The following GXYLT1 variants were observed in gnomAD, a reference collection of about 807,000 sequenced individuals.
The protein encoded by GXYLT1 is glucoside xylosyltransferase 1, also known as glycosyltransferase 8 domain containing 3.
Under a neutral mutation model 54.0 loss-of-function variants are expected in GXYLT1, and 29 were observed. The observed-to-expected ratio is 0.54, with a 90% CI of 0.40 to 0.73. The LOEUF is 0.73. Among genes scored for constraint, GXYLT1 ranks in the 30% least tolerant of loss-of-function variants. The pLI is 0.00. For missense variants in GXYLT1, 490 were observed against 553.4 expected, an observed-to-expected ratio of 0.89 and a Z score of 1.15; for synonymous variants, 176 against 204.1, an observed-to-expected ratio of 0.86 and a Z score of 1.17.
chr12:42,132,379 T>C (rs538640007), intron 1 of GXYLT1, among the ~76,000 whole-genome samples: 2 of 152,350 alleles, frequency 1.3e-5, no homozygotes, highest in East Asian at 3.9e-4. Context: ...ATTTCTCTTA[T>C]GATAATCCTG....
chr12:42,111,619 G>C (rs889364561), intron 3 of GXYLT1, among the ~76,000 whole-genome samples: 1 of 152,236 alleles, frequency 6.6e-6, no homozygotes, highest in South Asian at 2.1e-4. Flanking sequence ...TGTTTGATTA[G>C]GTAAACAAAG....
At chr12:42,109,762 T>TTA in intron 3 of GXYLT1, 71 bp from the exon 4 acceptor site, 1 of 1,023,514 alleles carries the variant, frequency 9.8e-7, no homozygotes, top group Non-Finnish European at 1.4e-6. Flanking sequence ...AAACAACAGA[T>TTA]TATAAAACAA....
At chr12:42,111,206 C>T (rs970148407) in intron 3 of GXYLT1, among the ~76,000 whole-genome samples, 13 of 152,206 alleles carry the variant, frequency 8.5e-5, no homozygotes, top group African/African-American at 1.4e-4. Context: ...GCGTCAGCAA[C>T]GCAGAAGACA....
chr12:42,123,228 GAATA>G (rs1402244502), intron 2 of GXYLT1, among the ~76,000 whole-genome samples: 1 of 151,992 alleles, frequency 6.6e-6, no homozygotes, highest in African/African-American at 2.4e-5. Flanking sequence ...ATAGGAATAG[GAATA>G]TATATTCTAT....
chr12:42,101,555 C>G (rs1473421425), intron 5 of GXYLT1, among the ~76,000 whole-genome samples: 1 of 151,630 alleles, frequency 6.6e-6, no homozygotes, highest in Admixed American at 6.6e-5. Context: ...CTAATGCACA[C>G]CTATGCTTGT....
At chr12:42,127,916 A>G (rs1401447204) in intron 2 of GXYLT1, among the ~76,000 whole-genome samples, 1 of 152,226 alleles carries the variant, frequency 6.6e-6, no homozygotes, top group Non-Finnish European at 1.5e-5. Context: ...CAATCACCCA[A>G]TCTCTTCCAC....
At chr12:42,088,935 C>A (rs2065313434) in intron 7 of GXYLT1, among the ~76,000 whole-genome samples, 1 of 54,600 alleles carries the variant, frequency 1.8e-5, no homozygotes, top group Non-Finnish European at 4.5e-5. Flanking sequence ...TGCAGTCAAT[C>A]TACAGAGAAG....
intron 5 of GXYLT1, 59 bp from the exon 6 acceptor site, chr12:42,098,092 T>C (rs1260677087): frequency 2.6e-6 from 4 of 1,515,296 alleles, no homozygotes. Flanking sequence ...GGCAGCATGA[T>C]GACAGTTCCT....
chr12:42,130,145 T>C (rs920048475), intron 1 of GXYLT1, among the ~76,000 whole-genome samples: 7 of 152,150 alleles, frequency 4.6e-5, no homozygotes, highest in African/African-American at 1.4e-4. Flanking sequence ...CAGACAAATA[T>C]GTCTTCTAAA....
intron 4 of GXYLT1, among the ~76,000 whole-genome samples, chr12:42,106,747 T>TC (rs202076979): frequency 6.2e-5 from 9 of 144,750 alleles, no homozygotes; most frequent in East Asian, 3.9e-4. Context: ...ATTTTTCTTT[T>TC]TTTTTTTTTT....
At chr12:42,090,987 A>G (rs1449526147) in intron 7 of GXYLT1, among the ~76,000 whole-genome samples, 1 of 152,238 alleles carries the variant, frequency 6.6e-6, no homozygotes, top group Non-Finnish European at 1.5e-5. Context: ...ATAGCCATGA[A>G]TTCACACTTT....
At chr12:42,113,769 C>G (rs1303772911) in intron 3 of GXYLT1, among the ~76,000 whole-genome samples, 2 of 150,946 alleles carry the variant, frequency 1.3e-5, no homozygotes. Flanking sequence ...CAGCTCTGCA[C>G]CAAGCGGACC....
intron 2 of GXYLT1, among the ~76,000 whole-genome samples, chr12:42,123,942 C>T (rs1223330967): frequency 7.0e-6 from 1 of 143,506 alleles, no homozygotes; most frequent in Non-Finnish European, 1.5e-5. Context: ...ACATAATGGA[C>T]TAAAAGAAAG....
chr12:42,129,666 TAAG>T lies in GXYLT1; in HGVS notation c.314+90_314+92del, dbSNP rs2065583344. 36 of 754,952 alleles carry T rather than the reference TAAG, an allele frequency of 4.8e-5. No homozygotes were observed. The East Asian group carries it at 9.2e-4, about 19-fold the overall frequency. 46.8% of individuals were successfully genotyped at this position (754,952 alleles called of 1,614,324 possible). A position where few individuals can be genotyped will look rare whatever the true frequency, so the allele number is the denominator to read the frequency against. On this transcript the variant is annotated intron_variant, in intron 2 of 7. Coordinates refer to ENST00000398675, the MANE Select transcript of GXYLT1 (RefSeq NM_173601.2). ...AAAATAAATTATTTGTATAATATCA[TAAG>T]AAACATTCTTACATCCTATTACAAA... is the stretch of plus-strand genomic sequence containing the variant.
chr12:42,140,429 C>T lies in GXYLT1; in HGVS notation c.221+3997G>A, dbSNP rs1316949060. Among the ~76,000 whole-genome samples the T allele has an allele frequency of 8.6e-5, 13 of 152,044 alleles. No individual in the cohort carries two copies. In the East Asian group the frequency reaches 1.9e-3, roughly 23 times the overall value. On this transcript the variant is annotated intron_variant, in intron 1 of 7. Transcript: ENST00000398675. The stretch of plus-strand genomic sequence containing the variant: ...AAATCCCAACTTAAAATTTAAATTA[C>T]CAAAATGATATTAGCTAAAATGTTG...
At position 42,111,978 on chromosome 12, in the gene GXYLT1, C is replaced by A. The variant is rs376844004; in HGVS notation, c.487-2287G>T. Among the ~76,000 whole-genome samples, 11 of 152,186 alleles carry A rather than the reference C, an allele frequency of 7.2e-5. No individual in the cohort carries two copies. In the East Asian group the frequency reaches 1.5e-3, roughly 21 times the overall value. ...ATCAGGCAGCAGCATTTGCGGTTCA[C>A]CAATATCTGCTGTTCTGCAGCCACT... On this transcript the variant is annotated intron_variant, in intron 3 of 7. Transcript: ENST00000398675.
chr12:42,109,227 C>T (rs2065437862), intron 4 of GXYLT1, among the ~76,000 whole-genome samples: 3 of 152,118 alleles, frequency 2.0e-5, no homozygotes. Context: ...GGTGATAACG[C>T]CACCGCATTT....
At chr12:42,093,413 C>CA (rs2065339399) in intron 7 of GXYLT1, among the ~76,000 whole-genome samples, 1 of 151,864 alleles carries the variant, frequency 6.6e-6, no homozygotes, top group Admixed American at 6.6e-5. Flanking sequence ...AAAATACCAA[C>CA]AAGTTTTTAA....
chr12:42,097,837 T>C (rs1447729996), intron 6 of GXYLT1, 73 bp downstream of exon 6: 1 of 1,161,036 alleles, frequency 8.6e-7, no homozygotes, highest in Admixed American at 2.2e-5. Flanking sequence ...ATCAGATAAG[T>C]GCATGTTTTC....
Sources: gnomAD v4.1 joint callset for allele counts (sites outside exome capture counted in the v4.1 genomes callset) on GRCh38, gnomAD v4.1.1 for gene constraint, MANE v1.5 for transcripts, NCBI Gene and HGNC (gene_info 2026-07-23, HGNC 2026-07-21) for gene names.